The following CACNA1D variants were observed in gnomAD, a reference collection of about 807,000 sequenced individuals.
CACNA1D encodes the protein calcium voltage-gated channel subunit alpha1 D.
In CACNA1D, 55 loss-of-function variants were observed where a neutral mutation model predicts 257.1. That is an observed-to-expected ratio of 0.21 (90% confidence interval 0.17 to 0.27). The LOEUF is 0.27. Ranked by LOEUF, CACNA1D falls within the 10% of genes least tolerant of loss-of-function variation. CACNA1D has a pLI of 1.00. For synonymous variants in CACNA1D, 980 were observed against 1,014.9 expected (o/e 0.97, Z 0.65); for missense variants, 1,876 against 2,784.0 (o/e 0.67, Z 7.34).
rs181362672 is a variant in CACNA1D, at chr3:53,727,145, T to C, written c.2221+146T>C. ...TACCTTATTAGCTCAATATCTGCTT[T>C]TCTTCCATGCTGCTGGGGGACAGCG... is the stretch of plus-strand genomic sequence containing the variant. On this transcript the variant is annotated intron_variant, in intron 15 of 47. Coordinates refer to ENST00000350061, the MANE Select transcript of CACNA1D (RefSeq NM_001128840.3). 6.3e-4 allele frequency: 612 copies of C among 966,648 alleles called. 4 individuals carry two copies. The highest frequency in any genetic ancestry group is 9.2e-4 in the Non-Finnish European group (553 of 603,128). 59.9% of individuals were successfully genotyped at this position (966,648 alleles called of 1,614,324 possible).
chr3:53,510,974 G>A (rs547111121), intron 3 of CACNA1D, among the ~76,000 whole-genome samples: 1 of 152,278 alleles, frequency 6.6e-6, no homozygotes, highest in African/African-American at 2.4e-5. Context: ...ATTCCAGGTA[G>A]CTAATAGGTA....
intron 45 of CACNA1D, 62 bp downstream of exon 45, chr3:53,805,208 C>T: frequency 6.7e-7 from 1 of 1,503,240 alleles, no homozygotes; most frequent in Non-Finnish European, 9.2e-7. Flanking sequence ...TCTCCCCCAA[C>T]CCCCGCTCTG....
intron 38 of CACNA1D, among the ~76,000 whole-genome samples, chr3:53,780,965 T>C (rs570353594): frequency 6.6e-6 from 1 of 152,342 alleles, no homozygotes; most frequent in Admixed American, 6.5e-5. Flanking sequence ...GCCAGCCTCT[T>C]CCAGCCTAAC....
At chr3:53,764,133 C>G (rs979849893) in intron 30 of CACNA1D, among the ~76,000 whole-genome samples, 1 of 152,132 alleles carries the variant, frequency 6.6e-6, no homozygotes, top group African/African-American at 2.4e-5. Flanking sequence ...TTCTAAAGCC[C>G]AGACATGTAA....
At chr3:53,641,338 A>C (rs1160781601) in intron 3 of CACNA1D, among the ~76,000 whole-genome samples, 2 of 152,116 alleles carry the variant, frequency 1.3e-5, no homozygotes, top group Non-Finnish European at 2.9e-5. Flanking sequence ...GCCCCAAAGG[A>C]GACTCCTAGT....
At chr3:53,700,268 C>T (rs1240225359) in intron 8 of CACNA1D, among the ~76,000 whole-genome samples, 1 of 151,922 alleles carries the variant, frequency 6.6e-6, no homozygotes, top group Non-Finnish European at 1.5e-5. Flanking sequence ...TGTATGTAAC[C>T]ATCTGAATTT....
intron 31 of CACNA1D, 54 bp from the exon 32 acceptor site, chr3:53,770,370 G>A (rs2095359749): frequency 6.4e-7 from 1 of 1,571,538 alleles, no homozygotes; most frequent in Admixed American, 1.7e-5. Context: ...TTTTCTGAAA[G>A]TGTTGCATGT....
intron 8 of CACNA1D, among the ~76,000 whole-genome samples, chr3:53,696,389 T>C (rs1468846231): frequency 1.3e-5 from 2 of 152,230 alleles, no homozygotes; most frequent in Non-Finnish European, 2.9e-5. Flanking sequence ...CATGGCCTTG[T>C]GTGCCCACGT....
intron 8 of CACNA1D, among the ~76,000 whole-genome samples, chr3:53,678,406 A>G (rs1048004156): frequency 1.3e-5 from 2 of 152,228 alleles, no homozygotes; most frequent in Non-Finnish European, 1.5e-5. Flanking sequence ...ATTCAAAATC[A>G]TACCAATTAA....
chr3:53,738,153 T>C (rs550635656), intron 20 of CACNA1D, among the ~76,000 whole-genome samples: 1 of 152,314 alleles, frequency 6.6e-6, no homozygotes, highest in African/African-American at 2.4e-5. Flanking sequence ...TGGGCACCTT[T>C]TTCTGAGCAC....
In CACNA1D at chr3:53,666,735, C is replaced by T. The variant is rs372342799; in HGVS notation, c.1116+200C>T. Among the ~76,000 whole-genome samples, 215 of 152,274 alleles carry T rather than the reference C, an allele frequency of 1.4e-3. 6 individuals carry two copies. The South Asian group carries it at 0.042, about 30-fold the overall frequency. ...TAGTTTCAGTTGCAGGAAGCTGCTG[C>T]GCGATGTTGGCTTCTGGCTTTAGTC... On this transcript the variant is annotated intron_variant, in intron 7 of 47. Coordinates refer to ENST00000350061, the MANE Select transcript of CACNA1D (RefSeq NM_001128840.3).
intron 3 of CACNA1D, among the ~76,000 whole-genome samples, chr3:53,503,265 G>C (rs2090680518): frequency 6.6e-6 from 1 of 152,162 alleles, no homozygotes; most frequent in Admixed American, 6.5e-5. Context: ...TATATATTTG[G>C]ACAATGCCAG....
chr3:53,675,497 C>T (rs1294528293), intron 8 of CACNA1D, among the ~76,000 whole-genome samples: 1 of 152,148 alleles, frequency 6.6e-6, no homozygotes, highest in African/African-American at 2.4e-5. Context: ...TTTAACAGTG[C>T]CGGTGACATC....
rs890934509 is a variant in CACNA1D at position 53,800,292 on chromosome 3, G to A, written c.4967G>A (p.Arg1656His). The change falls in exon 41 of 48, where the codon CGT becomes CAT. Residue 1656 changes from arginine (R) to histidine (H), a missense_variant. By Grantham distance (29) the Arg-to-His change is conservative. Transcript: ENST00000350061. This position sits in a 1 kb window ranked among gnomAD's most constrained non-coding sequence, Gnocchi z 4.3. ...CATGACATTGGGCCAGAAATCCGGCGTGCTATATCGTGTGATTTGCAAGAT... is the reference window on the plus strand; with the variant it reads ...CATGACATTGGGCCAGAAATCCGGCATGCTATATCGTGTGATTTGCAAGAT... ...TLHDIGPEIR[R>H]AISCDLQDDE... 11 of 1,614,078 alleles carry A rather than the reference G, an allele frequency of 6.8e-6. No individual in the cohort carries two copies. The highest frequency in any genetic ancestry group is 9.3e-6 in the Non-Finnish European group (11 of 1,179,912).
chr3:53,555,468 T>TTG (rs2092625777), intron 3 of CACNA1D, among the ~76,000 whole-genome samples: 2 of 139,702 alleles, frequency 1.4e-5, no homozygotes, highest in South Asian at 2.2e-4. Context: ...GTGTTTTTTT[T>TTG]TTTTTTTTTT....
At chr3:53,532,473 G>A (rs531605382) in intron 3 of CACNA1D, among the ~76,000 whole-genome samples, 131 of 152,310 alleles carry the variant, frequency 8.6e-4, no homozygotes, top group African/African-American at 2.9e-3. Context: ...CTGGAGGTGC[G>A]TGAGCAAAAT....
intron 37 of CACNA1D, among the ~76,000 whole-genome samples, chr3:53,777,390 T>C (rs2095403766): frequency 6.6e-6 from 1 of 152,100 alleles, no homozygotes; most frequent in Non-Finnish European, 1.5e-5. Context: ...TCCAGGAGAA[T>C]GGGGAGGAAA....
Position 53,723,842 on chromosome 3 carries a change from A to G in CACNA1D, c.1943A>G (p.Lys648Arg), listed in dbSNP as rs778399253. ...GTGGCATCCTTATTAAACTCCATGA[A>G]GTCCATCGCTTCGCTGTTGCTTCTG... Reference protein sequence around the residue: ...NLVASLLNSMKSIASLLLLLF... With the variant: ...NLVASLLNSMRSIASLLLLLF... Residue 648 changes from lysine to arginine, a missense_variant, in exon 14 of 48, where the codon AAG becomes AGG. Transcript: ENST00000350061. The surrounding 1 kb of genome is among the most constrained non-coding windows in gnomAD (Gnocchi z 5.6). The G allele has an allele frequency of 1.9e-6, 3 of 1,614,014 alleles. No homozygotes were observed. Among genetic ancestry groups the G allele is most frequent in the Non-Finnish European group, 1.7e-6 (2 of 1,180,014 alleles).
At chr3:53,720,223 T>A (rs1043518986) in intron 11 of CACNA1D, among the ~76,000 whole-genome samples, 1 of 152,216 alleles carries the variant, frequency 6.6e-6, no homozygotes, top group South Asian at 2.1e-4. Context: ...CTGAGTGTCA[T>A]TTTTCAACAA....
Sources: allele counts gnomAD v4.1 joint callset (sites outside exome capture counted in the v4.1 genomes callset), GRCh38; gene constraint gnomAD v4.1.1; non-coding constraint Gnocchi (gnomAD v3.1); transcripts MANE v1.5; gene names NCBI Gene and HGNC (gene_info 2026-07-23, HGNC 2026-07-21).